The following PTPN13 variants were observed in gnomAD, a reference collection of about 807,000 sequenced individuals.
PTPN13 encodes protein tyrosine phosphatase non-receptor type 13.
PTPN13 carries 191 observed loss-of-function variants against 284.0 expected under a neutral mutation model. The ratio of observed to expected loss-of-function variants is 0.67; its 90% CI spans 0.60 to 0.76. The LOEUF (loss-of-function observed/expected upper bound fraction) is 0.76. PTPN13 is among the 30% of genes least tolerant of loss of function. The pLI is 0.00. For missense variants in PTPN13, 2,797 were observed against 2,939.9 expected (o/e 0.95, Z 1.12); for synonymous variants, 986 against 1,022.3 (o/e 0.96, Z 0.68).
chr4:86,727,977 C>G (rs1334636788), intron 10 of PTPN13, among the ~76,000 whole-genome samples: 1 of 149,688 alleles, frequency 6.7e-6, no homozygotes, highest in Non-Finnish European at 1.5e-5. Context: ...CCTCTACACA[C>G]TGCTTTGAAT....
intron 6 of PTPN13, among the ~76,000 whole-genome samples, chr4:86,698,741 G>A (rs1322200875): frequency 6.6e-6 from 1 of 152,106 alleles, no homozygotes; most frequent in African/African-American, 2.4e-5. Context: ...GAGATCATTG[G>A]TCATAACTAA....
chr4:86,635,159 C>A, intron 1 of PTPN13, 93 bp from the exon 2 acceptor site: 1 of 1,326,400 alleles, frequency 7.5e-7, no homozygotes, highest in Non-Finnish European at 1.0e-6. Context: ...AGACAGGGGG[C>A]TTATAGTCTG....
At chr4:86,744,871 C>G in intron 16 of PTPN13, 95 bp from the exon 17 acceptor site, 2 of 913,684 alleles carry the variant, frequency 2.2e-6, no homozygotes, top group Non-Finnish European at 3.3e-6. Context: ...GGATTATATT[C>G]ATATTAGATG....
rs754948096 is a variant in PTPN13, at chr4:86,770,088, A to G, written c.4705-13A>G. The stretch of plus-strand genomic sequence containing the variant: ...TTAACTGTACCTTCATTTGTCATTC[A>G]TGGTACCCCCAGGAAGTCATATCTG... On this transcript the variant is annotated splice_polypyrimidine_tract_variant and intron_variant, in intron 29 of 47. Transcript: ENST00000411767. 5.0e-6 allele frequency: 8 copies of G among 1,612,962 alleles called. No individual in the cohort carries two copies. The highest frequency in any genetic ancestry group is 1.6e-4 in the Middle Eastern group (1 of 6,082).
rs758795345 is a variant in PTPN13, at chr4:86,750,886, A to G, written c.3067A>G (p.Asn1023Asp). 1 of 1,611,386 alleles carries G rather than the reference A, an allele frequency of 6.2e-7. No homozygotes were observed. The highest frequency in any genetic ancestry group is 1.1e-5 in the South Asian group (1 of 90,462). ...ESLAGVTKLN[N>D]SKSVASLNRS... ...TTTGGCAGGAGTGACAAAACTTAAT[A>G]AGTAAGAACATATTAACTAACCCAA... Residue 1023 changes from asparagine to aspartate, a missense_variant and splice_region_variant, in exon 18 of 48, where the codon AAT (asparagine) becomes GAT (aspartate). By Grantham distance (23) the Asn-to-Asp change is conservative (BLOSUM62 1). Transcript: ENST00000411767.
intron 36 of PTPN13, among the ~76,000 whole-genome samples, chr4:86,781,843 A>G (rs6840378): frequency 0.025 from 3,860 of 152,014 alleles, 163 homozygotes; most frequent in African/African-American, 0.089. Flanking sequence ...CACACCTGTA[A>G]TCCCAGATAC....
chr4:86,736,367 T>G (rs964557797), intron 15 of PTPN13, among the ~76,000 whole-genome samples: 1 of 152,220 alleles, frequency 6.6e-6, no homozygotes, highest in South Asian at 2.1e-4. Context: ...TATAAGATAG[T>G]GTTCTGTTGA....
At chr4:86,734,255 CTAAAG>C (rs1009289130) in intron 12 of PTPN13, 43 bp from the exon 13 acceptor site, 13 of 1,340,456 alleles carry the variant, frequency 9.7e-6, no homozygotes, top group Non-Finnish European at 1.3e-5. Context: ...GAAGAAAACA[CTAAAG>C]TATTTTTTTA....
chr4:86,786,516 A>C (rs111963252), intron 40 of PTPN13, among the ~76,000 whole-genome samples: 180 of 152,314 alleles, frequency 1.2e-3, no homozygotes, highest in African/African-American at 4.1e-3. Flanking sequence ...TATACAAGGA[A>C]GCTTACGGCT....
intron 1 of PTPN13, among the ~76,000 whole-genome samples, chr4:86,620,209 G>A (rs1294157214): frequency 1.3e-5 from 2 of 152,120 alleles, no homozygotes; most frequent in Admixed American, 6.5e-5. Flanking sequence ...TCTGTTGCCC[G>A]GGCTGGAGTG....
intron 24 of PTPN13, 60 bp from the exon 25 acceptor site, chr4:86,764,533 G>A: frequency 1.6e-6 from 2 of 1,271,892 alleles, no homozygotes; most frequent in Non-Finnish European, 2.1e-6. Context: ...ATTAAAAAAA[G>A]AAAAATTATA....
rs752180073 is a variant in PTPN13 at position 86,689,150 on chromosome 4, T to C, written c.506T>C (p.Val169Ala). The C allele has an allele frequency of 6.2e-7, 1 of 1,613,682 alleles. No homozygotes were observed. The change falls in exon 5 of 48, where the codon GTG becomes GCG. Residue 169 changes from valine (V) to alanine (A), a missense_variant. Transcript: ENST00000411767. ...AATTGTGCACCCTCATTTTCCTACGTGAAACACTTGGTAAAACTGGTTCTG... is the reference window on the plus strand; with the variant it reads ...AATTGTGCACCCTCATTTTCCTACGCGAAACACTTGGTAAAACTGGTTCTG... Reference protein sequence around the residue: ...NSNCAPSFSYVKHLVKLVLGN... With the variant: ...NSNCAPSFSYAKHLVKLVLGN...
In PTPN13 at chr4:86,814,611, C is replaced by T. The variant is rs530125649; in HGVS notation, c.*60C>T. 10 of 1,348,152 alleles carry T rather than the reference C, an allele frequency of 7.4e-6. No individual in the cohort carries two copies. In the African/African-American group the frequency reaches 1.3e-4, roughly 18 times the overall value. The allele number at this position is 1,348,152 out of a possible 1,614,324, so 83.5% of individuals were successfully genotyped here. ...CTCCTTAACCTCCAGCAGACTCCTG[C>T]TCTCTATCCAAAATAAAGATCACAG... is the stretch of plus-strand genomic sequence containing the variant. On this transcript the variant is annotated 3_prime_UTR_variant, in exon 48 of 48. Coordinates refer to ENST00000411767, the MANE Select transcript of PTPN13 (RefSeq NM_080683.3).
intron 2 of PTPN13, among the ~76,000 whole-genome samples, chr4:86,661,775 C>G (rs1056778724): frequency 1.3e-5 from 2 of 152,132 alleles, no homozygotes; most frequent in Non-Finnish European, 2.9e-5. Context: ...ATCCAATTCT[C>G]CAAAAATGAA....
At chr4:86,653,290 T>C (rs1008018059) in intron 2 of PTPN13, among the ~76,000 whole-genome samples, 4 of 152,156 alleles carry the variant, frequency 2.6e-5, no homozygotes, top group Non-Finnish European at 5.9e-5. Context: ...TGTGTGTCCC[T>C]GATGCTTTCG....
At chr4:86,676,932 G>T (rs1429112892) in intron 3 of PTPN13, among the ~76,000 whole-genome samples, 1 of 152,094 alleles carries the variant, frequency 6.6e-6, no homozygotes, top group Non-Finnish European at 1.5e-5. Flanking sequence ...AAGTTCCAGA[G>T]ATTGTTGCAC....
chr4:86,814,248 A>C (rs953016916), intron 47 of PTPN13, among the ~76,000 whole-genome samples: 2 of 150,088 alleles, frequency 1.3e-5, no homozygotes, highest in African/African-American at 4.9e-5. Flanking sequence ...CTCGTGATCC[A>C]CCCGCCTCAG....
intron 21 of PTPN13, 37 bp from the exon 22 acceptor site, chr4:86,758,641 C>G: frequency 6.5e-7 from 1 of 1,527,088 alleles, no homozygotes; most frequent in Middle Eastern, 1.7e-4. Context: ...TTGAAAGCAG[C>G]AATATGAAAA....
chr4:86,632,449 G>C (rs533213431), intron 1 of PTPN13, among the ~76,000 whole-genome samples: 1 of 152,146 alleles, frequency 6.6e-6, no homozygotes, highest in African/African-American at 2.4e-5. Flanking sequence ...TGTGTTTAAG[G>C]CTGGCCCTTT....
Sources: gnomAD v4.1 joint callset for allele counts (sites outside exome capture counted in the v4.1 genomes callset) on GRCh38, gnomAD v4.1.1 for gene constraint, MANE v1.5 for transcripts, NCBI Gene and HGNC (gene_info 2026-07-23, HGNC 2026-07-21) for gene names.